The following SLC45A2 variants were observed in gnomAD, a reference collection of about 807,000 sequenced individuals.
The protein encoded by SLC45A2 is membrane-associated transporter protein.
A neutral mutation model predicts 45.5 loss-of-function variants in SLC45A2; 36 were observed. That is an observed-to-expected ratio of 0.79 (90% confidence interval 0.61 to 1.04). SLC45A2 has a LOEUF of 1.04. Among genes scored for constraint, SLC45A2 ranks in the 50% least tolerant of loss-of-function variants. The pLI, the probability that SLC45A2 is intolerant of heterozygous loss-of-function variation, is 0.00. For synonymous variants in SLC45A2, 306 were observed against 269.3 expected (o/e 1.14, Z -1.33); for missense variants, 719 against 671.0 (o/e 1.07, Z -0.79).
intron 6 of SLC45A2, chr5:33,946,029 ACTCATT>A (rs1192811775): frequency 3.0e-6 from 3 of 985,300 alleles, no homozygotes; most frequent in Non-Finnish European, 3.6e-6. Flanking sequence ...CTAAAAATGA[ACTCATT>A]CTAAGTGCTA....
intron 3 of SLC45A2, among the ~76,000 whole-genome samples, chr5:33,960,540 TAAGTG>T (rs1332938321): frequency 6.6e-6 from 1 of 152,084 alleles, no homozygotes; most frequent in Non-Finnish European, 1.5e-5. Context: ...TTCTAACTCA[TAAGTG>T]GGAGCTAAGC....
chr5:33,969,065 C>CTCTCTCTGTGTG, intron 2 of SLC45A2, among the ~76,000 whole-genome samples: 8 of 102,466 alleles, frequency 7.8e-5, no homozygotes, highest in African/African-American at 2.2e-4. Flanking sequence ...CTCTCTCTCT[C>CTCTCTCTGTGTG]TGTGTGTGTG....
In SLC45A2 at chr5:33,963,721, C is replaced by T. The variant is rs1752515545; in HGVS notation, c.858G>A (p.Gln286=). ...CAGCATGATTTTTGTTTTTTGCTCCCTGCATTGCCAGCTCTGGATTTACGT... is the reference window on the plus strand; with the variant it reads ...CAGCATGATTTTTGTTTTTTGCTCCTTGCATTGCCAGCTCTGGATTTACGT... The part of the protein sequence containing the change: ...NGYVNPELAM[Q]GAKNKNHAEQ... The change falls in exon 3 of 7, where the codon CAG becomes CAA. Residue 286 remains glutamine, a synonymous_variant. Coordinates refer to ENST00000296589, the MANE Select transcript of SLC45A2 (RefSeq NM_016180.5). The T allele has an allele frequency of 1.9e-6, 3 of 1,614,036 alleles. No homozygotes were observed. Among genetic ancestry groups the T allele is most frequent in the East Asian group, 2.2e-5 (1 of 44,886 alleles).
intron 5 of SLC45A2, among the ~76,000 whole-genome samples, chr5:33,948,332 G>A (rs1218132340): frequency 6.6e-6 from 1 of 152,166 alleles, no homozygotes; most frequent in Admixed American, 6.5e-5. Context: ...ACAATGGCAA[G>A]GAAAATCTCT....
In SLC45A2 at chr5:33,947,217, C is replaced by A; in HGVS notation, c.1314G>T (p.Leu438=). 1 of 1,614,236 alleles carries A rather than the reference C, an allele frequency of 6.2e-7. No individual in the cohort carries two copies. The highest frequency in any genetic ancestry group is 8.5e-7 in the Non-Finnish European group (1 of 1,180,038). Residue 438 remains leucine, a synonymous_variant, in exon 6 of 7, where the codon CTG becomes CTT. Coordinates refer to ENST00000296589, the MANE Select transcript of SLC45A2 (RefSeq NM_016180.5). The part of the protein sequence containing the change: ...CSLFGVMSST[L]YTVPFNLITE... Reference sequence around the variant, plus strand: ...TAATGAGGTTAAAGGGCACAGTGTACAGGGTGCTGGACATTACACCAAACA... The same window carrying A: ...TAATGAGGTTAAAGGGCACAGTGTAAAGGGTGCTGGACATTACACCAAACA...
At chr5:33,958,237 T>C (rs1306316817) in intron 3 of SLC45A2, among the ~76,000 whole-genome samples, 5 of 152,162 alleles carry the variant, frequency 3.3e-5, no homozygotes, top group African/African-American at 2.4e-5. Context: ...TGAGATCTGG[T>C]TTAAACTTCT....
chr5:33,947,319 T>C lies in SLC45A2; in HGVS notation c.1212A>G (p.Gly404=), dbSNP rs371272564. ...CCGTCCCCAGGCCAAACAGCAAATA[T>C]CCCGTGAAGTAAAGACCCTTTAATC... ...YIGLKGLYFT[G]YLLFGLGTGF... The change falls in exon 6 of 7, where the codon GGA becomes GGG. Residue 404 remains glycine, a synonymous_variant. Transcript: ENST00000296589. 6.8e-6 allele frequency: 11 copies of C among 1,614,106 alleles called. No homozygotes were observed. Among genetic ancestry groups the C allele is most frequent in the Non-Finnish European group, 8.5e-7 (1 of 1,180,016 alleles).
chr5:33,952,679 T>G (rs1344910950), intron 4 of SLC45A2, among the ~76,000 whole-genome samples: 2 of 88,920 alleles, frequency 2.2e-5, no homozygotes, highest in African/African-American at 7.5e-5. Flanking sequence ...CAAAAGTTTT[T>G]TTTTTTTTTT....
At chr5:33,978,872 AT>A (rs2112006071) in intron 2 of SLC45A2, among the ~76,000 whole-genome samples, 1 of 152,206 alleles carries the variant, frequency 6.6e-6, no homozygotes, top group African/African-American at 2.4e-5. Flanking sequence ...AAATATTTTA[AT>A]TTTTTTCCAT....
chr5:33,948,450 C>T (rs1752001945), intron 5 of SLC45A2, among the ~76,000 whole-genome samples: 1 of 151,874 alleles, frequency 6.6e-6, no homozygotes, highest in African/African-American at 2.4e-5. Context: ...ATAACAGATA[C>T]TTGAAACGTG....
rs532050058 is a variant in SLC45A2 at position 33,980,173 on chromosome 5, G to A, written c.562+2063C>T. Among the ~76,000 whole-genome samples the A allele has an allele frequency of 2.0e-5, 3 of 152,132 alleles. No homozygotes were observed. The South Asian group carries it at 6.2e-4, about 32-fold the overall frequency. ...TGGAATCTATTCAATGAGACTTTCC[G>A]GCTATGGACTATGGGCAAGTGACTT... On this transcript the variant is annotated intron_variant, in intron 2 of 6. Transcript: ENST00000296589.
chr5:33,946,808 C>A, intron 6 of SLC45A2: 1 of 1,231,594 alleles, frequency 8.1e-7, no homozygotes, highest in Non-Finnish European at 1.0e-6. Flanking sequence ...CCAGGGAGAC[C>A]TATGAGGTGG....
At chr5:33,962,099 C>T (rs982404568) in intron 3 of SLC45A2, among the ~76,000 whole-genome samples, 2 of 152,206 alleles carry the variant, frequency 1.3e-5, no homozygotes, top group Non-Finnish European at 2.9e-5. Context: ...GAATCTCTTA[C>T]ATGTCAAATC....
rs570707139 is a variant in SLC45A2, at chr5:33,944,968, A to C, written c.1369-96T>G. 5.2e-4 allele frequency: 603 copies of C among 1,154,756 alleles called. 7 individuals are homozygous for C. The South Asian group carries it at 7.7e-3, about 15-fold the overall frequency. The allele number at this position is 1,154,756 out of a possible 1,614,324, so 71.5% of individuals were successfully genotyped here. On this transcript the variant is annotated intron_variant, in intron 6 of 6. Coordinates refer to ENST00000296589, the MANE Select transcript of SLC45A2 (RefSeq NM_016180.5). The stretch of plus-strand genomic sequence containing the variant: ...TTTTCTGTGACCAGCCAGATAGTAA[A>C]TACCTTTGGCTTCGTGGATTATACA...
chr5:33,969,065 C>CTCTCTCTCTCTCTCTGTGTGTGTGTG, intron 2 of SLC45A2, among the ~76,000 whole-genome samples: 1 of 102,390 alleles, frequency 9.8e-6, no homozygotes, highest in African/African-American at 3.7e-5. Context: ...CTCTCTCTCT[C>CTCTCTCTCTCTCTCTGTGTGTGTGTG]TGTGTGTGTG....
At chr5:33,954,124 C>G (rs1322597643) in intron 4 of SLC45A2, among the ~76,000 whole-genome samples, 1 of 152,074 alleles carries the variant, frequency 6.6e-6, no homozygotes, top group African/African-American at 2.4e-5. Context: ...GACTTTAACA[C>G]CCCACTGTCA....
intron 2 of SLC45A2, 58 bp downstream of exon 2, chr5:33,982,178 G>A (rs1753096479): frequency 6.3e-7 from 1 of 1,593,708 alleles, no homozygotes. Context: ...GATGGCTTTA[G>A]TGGAAGTGCC....
intron 6 of SLC45A2, chr5:33,946,451 T>C: frequency 1.0e-6 from 1 of 985,672 alleles, no homozygotes. Context: ...TAAGGAACTA[T>C]AAGCCTATTT....
intron 2 of SLC45A2, among the ~76,000 whole-genome samples, chr5:33,975,286 C>A (rs1411113530): frequency 6.6e-6 from 1 of 152,168 alleles, no homozygotes; most frequent in East Asian, 1.9e-4. Context: ...GGTTATGTAA[C>A]CCTCGGGTCT....
Sources: allele counts gnomAD v4.1 joint callset (sites outside exome capture counted in the v4.1 genomes callset), GRCh38; gene constraint gnomAD v4.1.1; transcripts MANE v1.5; gene names NCBI Gene and HGNC (gene_info 2026-07-23, HGNC 2026-07-21).